NUDCD3: variants seen among roughly 807,000 people sequenced by gnomAD.
NUDCD3 encodes the protein nudC domain-containing protein 3.
Under a neutral mutation model 39.7 loss-of-function variants are expected in NUDCD3, and 13 were observed. The observed-to-expected ratio is 0.33, with a 90% confidence interval of 0.21 to 0.52. NUDCD3 has a LOEUF of 0.52. NUDCD3 is among the 20% of genes least tolerant of loss of function. The pLI is 0.96. For synonymous variants in NUDCD3, 175 were observed against 172.4 expected, an observed-to-expected ratio of 1.02 and a Z score of -0.12; for missense variants, 453 against 458.1, an observed-to-expected ratio of 0.99 and a Z score of 0.10.
intron 2 of NUDCD3, among the ~76,000 whole-genome samples, chr7:44,454,118 T>C (rs933875150): frequency 6.6e-6 from 1 of 152,138 alleles, no homozygotes; most frequent in Non-Finnish European, 1.5e-5. Context: ...GGCAGGCAGA[T>C]CACGAGGTCA....
chr7:44,475,357 G>C (rs1273208956), intron 2 of NUDCD3, among the ~76,000 whole-genome samples: 1 of 151,818 alleles, frequency 6.6e-6, no homozygotes, highest in African/African-American at 2.4e-5. Flanking sequence ...ATCAGCAAAA[G>C]GCATGCAGGA....
chr7:44,434,510 G>A (rs914677904), intron 2 of NUDCD3, among the ~76,000 whole-genome samples: 4 of 152,266 alleles, frequency 2.6e-5, no homozygotes, highest in Admixed American at 6.5e-5. Flanking sequence ...TCATTGTTGT[G>A]GATGCATTAT....
chr7:44,425,535 A>G (rs1799216987), intron 3 of NUDCD3, among the ~76,000 whole-genome samples: 1 of 152,168 alleles, frequency 6.6e-6, no homozygotes, highest in South Asian at 2.1e-4. Flanking sequence ...TATTCTTATC[A>G]CAATTCCTTG....
intron 2 of NUDCD3, among the ~76,000 whole-genome samples, chr7:44,431,668 C>CTTTTTTTTT (rs755819096): frequency 1.7e-5 from 2 of 120,844 alleles, no homozygotes; most frequent in Non-Finnish European, 3.5e-5. Context: ...TCTCTCCTTC[C>CTTTTTTTTT]TTTTTTTTTT....
At chr7:44,432,103 G>A (rs558325813) in intron 2 of NUDCD3, among the ~76,000 whole-genome samples, 2 of 152,278 alleles carry the variant, frequency 1.3e-5, no homozygotes, top group South Asian at 4.1e-4. Flanking sequence ...GGCAACGTAG[G>A]AAGACCCATC....
intron 3 of NUDCD3, among the ~76,000 whole-genome samples, chr7:44,423,913 C>T (rs980943825): frequency 6.6e-6 from 1 of 152,152 alleles, no homozygotes; most frequent in African/African-American, 2.4e-5. Flanking sequence ...GCTACAATAA[C>T]CAAAACGGCA....
intron 3 of NUDCD3, among the ~76,000 whole-genome samples, chr7:44,407,472 G>A (rs1798848133): frequency 6.6e-6 from 1 of 151,412 alleles, no homozygotes; most frequent in Non-Finnish European, 1.5e-5. Flanking sequence ...GGCTGAGGCA[G>A]GAGAATCGCT....
At chr7:44,476,201 C>A (rs977388337) in intron 2 of NUDCD3, among the ~76,000 whole-genome samples, 5 of 152,166 alleles carry the variant, frequency 3.3e-5, no homozygotes, top group Admixed American at 2.0e-4. Flanking sequence ...TGAGCCTACA[C>A]ACGGAAAGAA....
intron 1 of NUDCD3, among the ~76,000 whole-genome samples, chr7:44,489,317 G>A (rs1316673133): frequency 6.6e-6 from 1 of 152,206 alleles, no homozygotes; most frequent in Admixed American, 6.5e-5. Flanking sequence ...ACGAGGAATA[G>A]CCTTAAGTTC....
chr7:44,485,014 C>T lies in NUDCD3; in HGVS notation c.463G>A (p.Val155Ile), dbSNP rs1369447454. 6.2e-7 allele frequency: 1 copy of T among 1,613,984 alleles called. No individual in the cohort carries two copies. The highest frequency in any genetic ancestry group is 8.5e-7 in the Non-Finnish European group (1 of 1,179,970). ...CTAGGGACTTCAGCAGCACCAGCAACTGCTCCTGGAGCTTCTGCCTCCTGT... is the reference window on the plus strand; with the variant it reads ...CTAGGGACTTCAGCAGCACCAGCAATTGCTCCTGGAGCTTCTGCCTCCTGT... ...GSQEAEAPGA[V>I]AGAAEVPREP... is the part of the protein sequence containing the mutation. The change falls in exon 2 of 6, where the codon GTT becomes ATT. Residue 155 changes from valine (V) to isoleucine (I), a missense_variant. Coordinates refer to ENST00000355451, the MANE Select transcript of NUDCD3 (RefSeq NM_015332.4).
chr7:44,454,062 G>A (rs549275361), intron 2 of NUDCD3, among the ~76,000 whole-genome samples: 4 of 151,614 alleles, frequency 2.6e-5, no homozygotes, highest in Admixed American at 6.6e-5. Flanking sequence ...AATAAAGGCC[G>A]GGCATGGTGG....
chr7:44,440,496 GAAAAAAAA>G (rs72065068), intron 2 of NUDCD3, among the ~76,000 whole-genome samples: 1 of 48,386 alleles, frequency 2.1e-5, no homozygotes, highest in Non-Finnish European at 4.0e-5. Context: ...CAGAAAAATT[GAAAAAAAA>G]AAAAAAAAAA....
intron 2 of NUDCD3, among the ~76,000 whole-genome samples, chr7:44,476,537 C>T (rs1327602786): frequency 6.6e-6 from 1 of 152,184 alleles, no homozygotes; most frequent in Non-Finnish European, 1.5e-5. Flanking sequence ...TGGGCCCTCA[C>T]CACTGAACCT....
rs1372937492 is a variant in NUDCD3 at position 44,382,003 on chromosome 7, C to T, written c.*4008G>A. ...AGTTGTGAGGGGTAGCCGGGCCTGA[C>T]CTCTCTTCCCTGGCACGATGCTGTC... is the stretch of plus-strand genomic sequence containing the variant. On this transcript the variant is annotated 3_prime_UTR_variant, in exon 6 of 6. Coordinates refer to ENST00000355451, the MANE Select transcript of NUDCD3 (RefSeq NM_015332.4). 4 of 152,224 alleles carry T rather than the reference C, an allele frequency of 2.6e-5. No homozygotes were observed. The East Asian group carries it at 7.7e-4, about 29-fold the overall frequency. 9.4% of individuals were successfully genotyped at this position (152,224 alleles called of 1,614,324 possible).
chr7:44,474,069 T>C (rs939208854), intron 2 of NUDCD3, among the ~76,000 whole-genome samples: 1 of 152,166 alleles, frequency 6.6e-6, no homozygotes, highest in Non-Finnish European at 1.5e-5. Context: ...AGGCTGCTGT[T>C]GGAACTGGGC....
chr7:44,490,256 G>A, intron 1 of NUDCD3, 153 bp downstream of exon 1: 1 of 712,456 alleles, frequency 1.4e-6, no homozygotes, highest in Non-Finnish European at 2.2e-6. Context: ...CATCCAATCC[G>A]CGCTTCAAAT....
intron 5 of NUDCD3, among the ~76,000 whole-genome samples, chr7:44,388,360 C>T (rs543187352): frequency 5.9e-5 from 9 of 152,342 alleles, no homozygotes; most frequent in East Asian, 5.8e-4. Context: ...CTAACTCTCA[C>T]GATAGTCTCT....
intron 2 of NUDCD3, among the ~76,000 whole-genome samples, chr7:44,478,917 A>G (rs1800434766): frequency 1.3e-5 from 2 of 152,238 alleles, no homozygotes. Context: ...GACATACCCA[A>G]GATGGGGTAA....
intron 2 of NUDCD3, among the ~76,000 whole-genome samples, chr7:44,453,356 A>T (rs556942208): frequency 1.7e-4 from 26 of 151,838 alleles, no homozygotes; most frequent in South Asian, 6.2e-4. Context: ...TCATCTCAAA[A>T]AAATAAATAA....
Sources: allele counts gnomAD v4.1 joint callset (sites outside exome capture counted in the v4.1 genomes callset), GRCh38; gene constraint gnomAD v4.1.1; transcripts MANE v1.5; gene names NCBI Gene and HGNC (gene_info 2026-07-23, HGNC 2026-07-21).